Variants in MACROH2A1 observed in about 807,000 individuals in gnomAD.
The protein encoded by MACROH2A1 is core histone macro-H2A.1.
MACROH2A1 carries 2 observed loss-of-function variants against 31.6 expected under a neutral mutation model. That is an observed-to-expected ratio of 0.06 (90% confidence interval 0.03 to 0.20). The LOEUF (loss-of-function observed/expected upper bound fraction) is 0.20. MACROH2A1 is among the 10% of genes least tolerant of loss of function. The pLI is 1.00. For synonymous variants in MACROH2A1, 169 were observed against 189.6 expected, an observed-to-expected ratio of 0.89 and a Z score of 0.89; for missense variants, 230 against 474.0, an observed-to-expected ratio of 0.49 and a Z score of 4.78.
intron 4 of MACROH2A1, chr5:135,363,042 T>C (rs1322384228): frequency 6.6e-6 from 1 of 152,140 alleles, no homozygotes. Context: ...CGAAAACTGC[T>C]CCCTTTCCCT....
intron 8 of MACROH2A1, 139 bp from the exon 9 acceptor site, chr5:135,335,280 G>C (rs931597337): frequency 1.6e-6 from 1 of 638,056 alleles, no homozygotes; most frequent in Non-Finnish European, 2.8e-6. Flanking sequence ...GTGTCTGCTT[G>C]TACGCCAGTG....
chr5:135,368,548 G>A (rs1043219283), intron 4 of MACROH2A1, among the ~76,000 whole-genome samples: 5 of 152,216 alleles, frequency 3.3e-5, no homozygotes. Flanking sequence ...CTCCTTAAGG[G>A]GTACCTCAGA....
intron 4 of MACROH2A1, among the ~76,000 whole-genome samples, chr5:135,363,478 CAT>C (rs1763106888): frequency 6.6e-6 from 1 of 152,228 alleles, no homozygotes; most frequent in South Asian, 2.1e-4. Flanking sequence ...TGTCTGAAAT[CAT>C]GTCTCTTCCT....
In MACROH2A1 at chr5:135,343,447, G is replaced by C; in HGVS notation, c.779-13C>G. 1 of 1,612,476 alleles carries C rather than the reference G, an allele frequency of 6.2e-7. No homozygotes were observed. The highest frequency in any genetic ancestry group is 8.5e-7 in the Non-Finnish European group (1 of 1,178,942). ...GCGCTGACAGCAGCTAGTGGTGCGG[G>C]GATGAAACAGAAACAGTGAGCTCTG... On this transcript the variant is annotated splice_polypyrimidine_tract_variant and intron_variant, in intron 7 of 8. Coordinates refer to ENST00000511689, the MANE Select transcript of MACROH2A1 (RefSeq NM_138610.3).
intron 5 of MACROH2A1, chr5:135,355,090 A>C (rs1762009709): frequency 2.2e-6 from 1 of 456,084 alleles, no homozygotes. Flanking sequence ...ATTGGAAAAG[A>C]AGCTATTTTG....
chr5:135,347,060 C>T (rs1021882175), intron 6 of MACROH2A1: 3 of 152,204 alleles, frequency 2.0e-5, no homozygotes. Context: ...CACAAGAGGA[C>T]AAAATACTCC....
intron 8 of MACROH2A1, 143 bp from the exon 9 acceptor site, chr5:135,335,284 G>A (rs182072398): frequency 5.9e-4 from 375 of 632,236 alleles, no homozygotes; most frequent in African/African-American, 3.1e-3. Flanking sequence ...CTGCTTGTAC[G>A]CCAGTGTGGG....
chr5:135,392,175 C>A (rs1278756841), intron 1 of MACROH2A1, among the ~76,000 whole-genome samples: 3 of 152,202 alleles, frequency 2.0e-5, no homozygotes, highest in African/African-American at 7.2e-5. Context: ...GTGGACATGA[C>A]CACAGCCTGG....
chr5:135,343,770 G>T (rs901027099), intron 7 of MACROH2A1: 3 of 310,210 alleles, frequency 9.7e-6, no homozygotes, highest in African/African-American at 6.3e-5. Flanking sequence ...CAACGTGTCA[G>T]AACATTTGCA....
intron 2 of MACROH2A1, among the ~76,000 whole-genome samples, chr5:135,383,348 A>T (rs1448081755): frequency 6.6e-6 from 1 of 152,244 alleles, no homozygotes; most frequent in East Asian, 1.9e-4. Flanking sequence ...GTTAATAACA[A>T]CAAATAATTA....
At chr5:135,337,027 C>T (rs949870065) in intron 8 of MACROH2A1, among the ~76,000 whole-genome samples, 9 of 152,218 alleles carry the variant, frequency 5.9e-5, no homozygotes, top group African/African-American at 2.2e-4. Flanking sequence ...ACGGGGGCTG[C>T]AGGGTGCTGA....
At chr5:135,392,030 C>G (rs960999216) in intron 1 of MACROH2A1, among the ~76,000 whole-genome samples, 1 of 152,190 alleles carries the variant, frequency 6.6e-6, no homozygotes, top group African/African-American at 2.4e-5. Flanking sequence ...CCTCAGGCCA[C>G]CCCTGACTTC....
At chr5:135,339,906 T>G (rs1759500037) in intron 8 of MACROH2A1, among the ~76,000 whole-genome samples, 1 of 152,216 alleles carries the variant, frequency 6.6e-6, no homozygotes, top group African/African-American at 2.4e-5. Context: ...GCCCCCGGGC[T>G]TTGGGTAAAT....
chr5:135,338,419 A>G (rs1759176055), intron 8 of MACROH2A1, among the ~76,000 whole-genome samples: 1 of 152,228 alleles, frequency 6.6e-6, no homozygotes, highest in Non-Finnish European at 1.5e-5. Context: ...AGCTGTCTAT[A>G]AAGTAGGTGG....
intron 2 of MACROH2A1, 45 bp from the exon 3 acceptor site, chr5:135,370,187 G>T: frequency 8.1e-7 from 1 of 1,232,068 alleles, no homozygotes; most frequent in Non-Finnish European, 1.2e-6. Flanking sequence ...AGAGGACCAT[G>T]TGTCCCCGCC....
intron 5 of MACROH2A1, chr5:135,355,588 CA>C (rs1033173627): frequency 2.8e-5 from 6 of 216,162 alleles, no homozygotes; most frequent in South Asian, 2.1e-4. Flanking sequence ...ATGTGTGCAT[CA>C]GGGGAAGAGA....
intron 2 of MACROH2A1, among the ~76,000 whole-genome samples, chr5:135,387,026 T>C (rs1766510816): frequency 6.6e-6 from 1 of 152,130 alleles, no homozygotes; most frequent in Non-Finnish European, 1.5e-5. Context: ...TTGACTCCAT[T>C]TGAGTTGTAA....
intron 2 of MACROH2A1, among the ~76,000 whole-genome samples, chr5:135,380,383 A>G (rs1054897987): frequency 3.1e-4 from 47 of 152,318 alleles, no homozygotes; most frequent in Non-Finnish European, 5.7e-4. Flanking sequence ...TCATTAATCA[A>G]TCATTCCAAA....
rs144922449 is a variant in MACROH2A1, at chr5:135,379,663, C to T, written c.172+9259G>A. On this transcript the variant is annotated intron_variant, in intron 2 of 8. Coordinates refer to ENST00000511689, the MANE Select transcript of MACROH2A1 (RefSeq NM_138610.3). ...CAGAAACACTGTAAATATGTTCTAT[C>T]GGTTGCTGGTATTTTAACAGGAAGA... is the stretch of plus-strand genomic sequence containing the variant. Among the ~76,000 whole-genome samples the T allele has an allele frequency of 6.2e-3, 951 of 152,242 alleles. 7 individuals are homozygous for T. Among genetic ancestry groups the T allele is most frequent in the Non-Finnish European group, 0.01 (711 of 68,020 alleles).
Sources: gnomAD v4.1 joint callset for allele counts (sites outside exome capture counted in the v4.1 genomes callset) on GRCh38, gnomAD v4.1.1 for gene constraint, MANE v1.5 for transcripts, NCBI Gene and HGNC (gene_info 2026-07-23, HGNC 2026-07-21) for gene names.